Variants in FAP observed in about 807,000 individuals in gnomAD.
FAP encodes fibroblast activation protein alpha, also known as prolyl endopeptidase FAP.
A neutral mutation model predicts 126.5 loss-of-function variants in FAP; 110 were observed. That is an observed-to-expected ratio of 0.87 (90% CI 0.74 to 1.02). FAP has a LOEUF of 1.02. FAP is among the 50% of genes least tolerant of loss of function. The pLI, the probability that FAP is intolerant of heterozygous loss-of-function variation, is 0.00. For synonymous variants in FAP, 334 were observed against 297.3 expected (o/e 1.12, Z -1.27); for missense variants, 919 against 909.2 (o/e 1.01, Z -0.14).
intron 21 of FAP, among the ~76,000 whole-genome samples, chr2:162,179,576 A>C (rs978429346): frequency 6.6e-6 from 1 of 152,132 alleles, no homozygotes; most frequent in Non-Finnish European, 1.5e-5. Context: ...CAACATGGTA[A>C]TTCCTATAAG....
At chr2:162,172,985 G>T in intron 24 of FAP, 101 bp from the exon 25 acceptor site, 1 of 1,123,404 alleles carries the variant, frequency 8.9e-7, no homozygotes, top group Non-Finnish European at 1.4e-6. Context: ...ATCTAGTCAT[G>T]CATTTGACAT....
At position 162,243,396 on chromosome 2, in the gene FAP, C is replaced by G; in HGVS notation, c.-69G>C. On this transcript the variant is annotated 5_prime_UTR_variant, in exon 1 of 26. Transcript: ENST00000188790. ...CGTGGGTCACTGGATCTGTGAAAAC[C>G]GTTGAAAAGGACCAAGTCTGTCTTT... 6.3e-7 allele frequency: 1 copy of G among 1,576,820 alleles called. No homozygotes were observed. Among genetic ancestry groups the G allele is most frequent in the Non-Finnish European group, 8.6e-7 (1 of 1,166,658 alleles).
At chr2:162,197,064 A>C (rs1688282045) in intron 16 of FAP, among the ~76,000 whole-genome samples, 1 of 152,264 alleles carries the variant, frequency 6.6e-6, no homozygotes, top group Non-Finnish European at 1.5e-5. Context: ...TTCCAAAAAC[A>C]TTAAAGCATT....
chr2:162,240,360 T>C (rs1231297121), intron 2 of FAP, among the ~76,000 whole-genome samples: 1 of 152,234 alleles, frequency 6.6e-6, no homozygotes, highest in African/African-American at 2.4e-5. Context: ...TCCTAAACCC[T>C]TTTAATCCTG....
At chr2:162,198,934 A>G (rs914320888) in intron 15 of FAP, 53 bp from the exon 16 acceptor site, 5 of 1,505,708 alleles carry the variant, frequency 3.3e-6, no homozygotes, top group African/African-American at 1.4e-5. Context: ...TGTATTTATC[A>G]AAATGTACTA....
chr2:162,225,728 G>C, intron 3 of FAP, 151 bp from the exon 4 acceptor site: 1 of 748,534 alleles, frequency 1.3e-6, no homozygotes. Context: ...TAGTAAGTTG[G>C]TGGTAGAGGA....
chr2:162,200,230 G>A (rs978719162), intron 15 of FAP, among the ~76,000 whole-genome samples: 4 of 152,062 alleles, frequency 2.6e-5, no homozygotes, highest in Admixed American at 2.0e-4. Context: ...ACAATGCCTG[G>A]TTCATACTAG....
chr2:162,206,277 A>G (rs1314368499), intron 12 of FAP, among the ~76,000 whole-genome samples: 1 of 152,184 alleles, frequency 6.6e-6, no homozygotes, highest in Non-Finnish European at 1.5e-5. Flanking sequence ...AAGCACCCAC[A>G]CCAAGTTGTC....
chr2:162,194,665 C>T, intron 17 of FAP, 36 bp downstream of exon 17: 1 of 1,602,692 alleles, frequency 6.2e-7, no homozygotes, highest in Non-Finnish European at 8.5e-7. Context: ...TTCAGGATTA[C>T]TTGAGACAAG....
intron 12 of FAP, among the ~76,000 whole-genome samples, chr2:162,206,172 G>A (rs895586118): frequency 4.6e-5 from 7 of 152,162 alleles, no homozygotes; most frequent in Non-Finnish European, 7.4e-5. Flanking sequence ...GAGGTAAAGA[G>A]AGTGTGAAAT....
intron 22 of FAP, 114 bp from the exon 23 acceptor site, chr2:162,173,901 A>C: frequency 1.3e-6 from 1 of 764,546 alleles, no homozygotes; most frequent in Non-Finnish European, 2.3e-6. Context: ...TGAGCTCTTG[A>C]GGTAAATTCT....
At chr2:162,223,262 C>T (rs1237858652) in intron 6 of FAP, among the ~76,000 whole-genome samples, 1 of 152,090 alleles carries the variant, frequency 6.6e-6, no homozygotes, top group Non-Finnish European at 1.5e-5. Flanking sequence ...AGTGAAATAG[C>T]CACTCTCCTA....
chr2:162,205,776 G>A (rs1038381326), intron 12 of FAP, among the ~76,000 whole-genome samples: 5 of 152,176 alleles, frequency 3.3e-5, no homozygotes, highest in African/African-American at 1.2e-4. Flanking sequence ...GCCTCCCAAA[G>A]TGCTAGGATT....
chr2:162,173,286 A>T, intron 23 of FAP, 65 bp from the exon 24 acceptor site: 1 of 1,161,846 alleles, frequency 8.6e-7, no homozygotes, highest in Non-Finnish European at 1.3e-6. Flanking sequence ...TAGCTAAATC[A>T]TTGTGCAATG....
rs139279750 is a variant in FAP, at chr2:162,189,132, T to C, written c.1590A>G (p.Arg530=). Residue 530 remains arginine, a synonymous_variant, in exon 19 of 26, where the codon AGA becomes AGG. Transcript: ENST00000188790. ...GAATTAGCAAGGGATACTTCTTTGA[T>C]CTGTCAAATTGAGGAGGAAGAATCA... is the stretch of plus-strand genomic sequence containing the variant. The part of the protein sequence containing the change: ...YKMILPPQFD[R]SKKYPLLIQV... 5 of 1,603,828 alleles carry C rather than the reference T, an allele frequency of 3.1e-6. No individual in the cohort carries two copies. In the African/African-American group the frequency reaches 6.7e-5, roughly 22 times the overall value.
intron 25 of FAP, chr2:162,172,066 T>C (rs1001357752): frequency 6.6e-6 from 1 of 152,068 alleles, no homozygotes; most frequent in African/African-American, 2.4e-5. Context: ...CCCTCCCCCA[T>C]TTCTTTCCCA....
At chr2:162,221,765 A>G (rs1204653821) in intron 6 of FAP, 4 of 456,408 alleles carry the variant, frequency 8.8e-6, no homozygotes, top group South Asian at 3.1e-5. Context: ...GATGCTTTAC[A>G]AAGGCGTTCA....
intron 3 of FAP, 133 bp from the exon 4 acceptor site, chr2:162,225,710 A>G (rs933291132): frequency 4.7e-6 from 4 of 848,016 alleles, no homozygotes; most frequent in Non-Finnish European, 6.6e-6. Context: ...GCTTTGTGAT[A>G]TGTAAAATAG....
chr2:162,209,668 A>G (rs745330641), intron 12 of FAP: 5 of 337,252 alleles, frequency 1.5e-5, no homozygotes, highest in Non-Finnish European at 2.2e-5. Context: ...TCTATATTGT[A>G]TTTGTTTAAA....
Sources: allele counts gnomAD v4.1 joint callset (sites outside exome capture counted in the v4.1 genomes callset), GRCh38; gene constraint gnomAD v4.1.1; transcripts MANE v1.5; gene names NCBI Gene and HGNC (gene_info 2026-07-23, HGNC 2026-07-21).